Variants in NOLC1 observed in about 807,000 individuals in gnomAD.
NOLC1 encodes the protein nucleolar and coiled-body phosphoprotein 1, also known as 140 kDa nucleolar phosphoprotein.
Under a neutral mutation model 73.4 loss-of-function variants are expected in NOLC1, and 37 were observed. The observed-to-expected ratio is 0.50, with a 90% confidence interval of 0.39 to 0.66. The LOEUF is 0.66. Among genes scored for constraint, NOLC1 ranks in the 30% least tolerant of loss-of-function variants. The probability of loss-of-function intolerance (pLI) is 0.00; values close to 1 mark genes in which losing one functional copy is unlikely to be tolerated. For synonymous variants in NOLC1, 327 were observed against 302.6 expected (o/e 1.08, Z -0.84); for missense variants, 921 against 838.9 (o/e 1.10, Z -1.21).
Position 102,159,958 on chromosome 10 carries a change from C to G in NOLC1, c.922C>G (p.Pro308Ala). ...ACCAAAGAAGTCTCTGGGAACCCAGCCTCCCAAGAAGGCTGTGGAGAAGCA... is the reference window on the plus strand; with the variant it reads ...ACCAAAGAAGTCTCTGGGAACCCAGGCTCCCAAGAAGGCTGTGGAGAAGCA... ...PPPKKSLGTQ[P>A]PKKAVEKQQP... Residue 308 changes from proline (P) to alanine (A), a missense_variant, in exon 8 of 13, where the codon CCT (proline) becomes GCT (alanine). Coordinates refer to ENST00000605788, the MANE Select transcript of NOLC1 (RefSeq NM_004741.5). The G allele has an allele frequency of 6.2e-7, 1 of 1,610,784 alleles. No homozygotes were observed. The highest frequency in any genetic ancestry group is 8.5e-7 in the Non-Finnish European group (1 of 1,178,490).
Position 102,159,539 on chromosome 10 carries a change from A to T in NOLC1, c.830A>T (p.Glu277Val). 6.2e-7 allele frequency: 1 copy of T among 1,614,172 alleles called. No homozygotes were observed. The highest frequency in any genetic ancestry group is 1.3e-5 in the African/African-American group (1 of 75,026). ...SEDSSSDEEE[E>V]QKKPMKNKPG... ...GATTCCTCCAGTGACGAGGAAGAGGAGCAAAAAAAACCCATGAAAAATAAA... is the reference window on the plus strand; with the variant it reads ...GATTCCTCCAGTGACGAGGAAGAGGTGCAAAAAAAACCCATGAAAAATAAA... The change falls in exon 7 of 13, where the codon GAG becomes GTG. Residue 277 changes from glutamate (E) to valine (V), a missense_variant. Coordinates refer to ENST00000605788, the MANE Select transcript of NOLC1 (RefSeq NM_004741.5).
intron 11 of NOLC1, 29 bp from the exon 12 acceptor site, chr10:102,161,804 C>CT: frequency 6.2e-7 from 1 of 1,606,116 alleles, no homozygotes. Context: ...ACCACTCTGT[C>CT]TTTAATTTCC....
Position 102,157,230 on chromosome 10 carries a change from C to T in NOLC1, c.218C>T (p.Pro73Leu). 1.2e-6 allele frequency: 2 copies of T among 1,614,158 alleles called. No individual in the cohort carries two copies. Among genetic ancestry groups the T allele is most frequent in the East Asian group, 4.5e-5 (2 of 44,884 alleles). ...GAGCGAAAGTTACAGGCAAATGGAC[C>T]AGTGGCTAAGAAAGCTAAGAAGAAG... ...VPERKLQANGPVAKKAKKKAS... is the reference protein window; with the variant it reads ...VPERKLQANGLVAKKAKKKAS... The change falls in exon 3 of 13, where the codon CCA (proline) becomes CTA (leucine). Residue 73 changes from proline (P) to leucine (L), a missense_variant. Coordinates refer to ENST00000605788, the MANE Select transcript of NOLC1 (RefSeq NM_004741.5).
At position 102,152,455 on chromosome 10, in the gene NOLC1, T is replaced by G; in HGVS notation, c.45T>G (p.Tyr15Ter). ...GIRRVVPSDL[Y>*]PLVLGFLRDN... is the part of the protein sequence containing the mutation. Reference sequence around the variant, plus strand: ...GCCGCGTGGTTCCCAGCGACCTGTATCCCCTCGTGCTCGGCTTCCTGCGCG... The same window carrying G: ...GCCGCGTGGTTCCCAGCGACCTGTAGCCCCTCGTGCTCGGCTTCCTGCGCG... The change falls in exon 1 of 13, where the codon TAT becomes TAG. Residue 15 changes from tyrosine (Y) to a stop codon, truncating the protein, a stop_gained. Transcript: ENST00000605788. LOFTEE classifies it high-confidence loss of function. The G allele has an allele frequency of 6.2e-7, 1 of 1,613,342 alleles. No individual in the cohort carries two copies. Among genetic ancestry groups the G allele is most frequent in the Non-Finnish European group, 8.5e-7 (1 of 1,180,022 alleles).
At chr10:102,152,906 A>G (rs989788214) in intron 1 of NOLC1, among the ~76,000 whole-genome samples, 4 of 152,228 alleles carry the variant, frequency 2.6e-5, no homozygotes, top group Admixed American at 1.3e-4. Context: ...GCAAACCGTG[A>G]TTTGACCTTA....
intron 12 of NOLC1, 87 bp downstream of exon 12, chr10:102,162,012 C>T: frequency 6.2e-7 from 1 of 1,602,868 alleles, no homozygotes; most frequent in East Asian, 2.2e-5. Context: ...TGGGAATCTT[C>T]TCTGGGTTCA....
chr10:102,161,756 A>G (rs1304540325), intron 11 of NOLC1, 77 bp from the exon 12 acceptor site: 3 of 1,522,182 alleles, frequency 2.0e-6, no homozygotes, highest in Non-Finnish European at 2.7e-6. Flanking sequence ...GACCTGGTAC[A>G]TGTGCCCATG....
Position 102,161,113 on chromosome 10 carries a change from G to T in NOLC1, c.1741+20G>T. ...AATCAGGTCTGTACCCAATGAACAT[G>T]CCCTCTGGGTTTTGTCCCCCCAAAT... On this transcript the variant is annotated intron_variant, in intron 10 of 12. Coordinates refer to ENST00000605788, the MANE Select transcript of NOLC1 (RefSeq NM_004741.5). 1.3e-6 allele frequency: 2 copies of T among 1,576,842 alleles called. No homozygotes were observed. The highest frequency in any genetic ancestry group is 1.7e-6 in the Non-Finnish European group (2 of 1,167,576).
chr10:102,159,898 C>G lies in NOLC1; in HGVS notation c.862C>G (p.Pro288Ala). The G allele has an allele frequency of 6.3e-7, 1 of 1,576,770 alleles. No individual in the cohort carries two copies. The highest frequency in any genetic ancestry group is 1.9e-5 in the Admixed American group (1 of 52,654). Residue 288 changes from proline (P) to alanine (A), a missense_variant and splice_region_variant, in exon 8 of 13, where the codon CCC (proline) becomes GCC (alanine). Transcript: ENST00000605788. ...ATCACACTATCCTTTTTAAACAGGT[C>G]CCTACAGTTCAGTCCCCCCGCCTTC... is the stretch of plus-strand genomic sequence containing the variant. ...QKKPMKNKPG[P>A]YSSVPPPSAP...
chr10:102,159,552 C>T lies in NOLC1; in HGVS notation c.843C>T (p.Pro281=), dbSNP rs1222447253. Residue 281 remains proline, a synonymous_variant, in exon 7 of 13, where the codon CCC becomes CCT. Coordinates refer to ENST00000605788, the MANE Select transcript of NOLC1 (RefSeq NM_004741.5). ...SSDEEEEQKK[P]MKNKPGPYSS... ...ACGAGGAAGAGGAGCAAAAAAAACCCATGAAAAATAAACCAGGTGACTGGA... is the reference window on the plus strand; with the variant it reads ...ACGAGGAAGAGGAGCAAAAAAAACCTATGAAAAATAAACCAGGTGACTGGA... The T allele has an allele frequency of 6.2e-7, 1 of 1,614,084 alleles. No individual in the cohort carries two copies. Among genetic ancestry groups the T allele is most frequent in the Non-Finnish European group, 8.5e-7 (1 of 1,180,022 alleles).
At chr10:102,153,627 T>C (rs968672408) in intron 1 of NOLC1, among the ~76,000 whole-genome samples, 1 of 152,118 alleles carries the variant, frequency 6.6e-6, no homozygotes, top group African/African-American at 2.4e-5. Flanking sequence ...CGGAGAGTGC[T>C]TTCACAGTGG....
At chr10:102,160,122 G>A in intron 8 of NOLC1, 98 bp downstream of exon 8, 1 of 1,587,808 alleles carries the variant, frequency 6.3e-7, no homozygotes, top group Non-Finnish European at 8.6e-7. Context: ...GTTGCTTTTT[G>A]CTTAAAGCAA....
intron 5 of NOLC1, 31 bp downstream of exon 5, chr10:102,158,245 G>C (rs1262467003): frequency 3.1e-6 from 5 of 1,607,060 alleles, no homozygotes. Context: ...AGGCTGGGCT[G>C]GGGACCAGAT....
At chr10:102,161,779 G>T (rs2069713525) in intron 11 of NOLC1, 54 bp from the exon 12 acceptor site, 2 of 1,560,884 alleles carry the variant, frequency 1.3e-6, no homozygotes, top group South Asian at 2.2e-5. Flanking sequence ...TATCACTCAG[G>T]AGAACTGTTA....
Position 102,157,310 on chromosome 10 carries a change from C to T in NOLC1, c.298C>T (p.Pro100Ser), listed in dbSNP as rs868849055. ...CGAGGAGGAGGAGGAAGTTCAAGGG[C>T]CTCCAGCAAAGAAGGCTGGTAAGGC... ...SSEEEEEVQGPPAKKAAVPAK... is the reference protein window; with the variant it reads ...SSEEEEEVQGSPAKKAAVPAK... Residue 100 changes from proline (P) to serine (S), a missense_variant, in exon 3 of 13, where the codon CCT becomes TCT. Transcript: ENST00000605788. 1 of 1,613,980 alleles carries T rather than the reference C, an allele frequency of 6.2e-7. No homozygotes were observed.
intron 5 of NOLC1, among the ~76,000 whole-genome samples, chr10:102,158,591 T>G (rs893022802): frequency 1.3e-5 from 2 of 152,236 alleles, no homozygotes; most frequent in Non-Finnish European, 2.9e-5. Flanking sequence ...AATGAGAATT[T>G]TTCTTTTTTT....
chr10:102,159,669 A>T, intron 7 of NOLC1, 101 bp downstream of exon 7: 1 of 1,284,450 alleles, frequency 7.8e-7, no homozygotes, highest in African/African-American at 1.5e-5. Flanking sequence ...TCCTCATGAC[A>T]TGACAGCTAG....
Position 102,160,592 on chromosome 10 carries a change from C to T in NOLC1, c.1240C>T (p.Gln414Ter). 1 of 1,614,222 alleles carries T rather than the reference C, an allele frequency of 6.2e-7. No homozygotes were observed. Among genetic ancestry groups the T allele is most frequent in the Non-Finnish European group, 8.5e-7 (1 of 1,180,034 alleles). ...AAPKQPVGGG[Q>*]KLLTRKADSS... Reference sequence around the variant, plus strand: ...CCCCAAGCAACCTGTGGGCGGTGGCCAGAAGCTTCTGACGAGAAAGGCTGA... The same window carrying T: ...CCCCAAGCAACCTGTGGGCGGTGGCTAGAAGCTTCTGACGAGAAAGGCTGA... The change falls in exon 10 of 13, where the codon CAG becomes TAG. Residue 414 changes from glutamine to a stop codon, truncating the protein, a stop_gained. Transcript: ENST00000605788. LOFTEE classifies it high-confidence loss of function.
intron 7 of NOLC1, 79 bp downstream of exon 7, chr10:102,159,647 G>A: frequency 2.1e-6 from 3 of 1,429,650 alleles, no homozygotes; most frequent in Non-Finnish European, 2.8e-6. Context: ...TCTCCATAGA[G>A]GTGCATGAGC....
Sources: gnomAD v4.1 joint callset for allele counts (sites outside exome capture counted in the v4.1 genomes callset) on GRCh38, gnomAD v4.1.1 for gene constraint, MANE v1.5 for transcripts, NCBI Gene and HGNC (gene_info 2026-07-23, HGNC 2026-07-21) for gene names.